DHRSX: variants seen among roughly 807,000 people sequenced by gnomAD.
DHRSX encodes dehydrogenase/reductase X-linked.
Under a neutral mutation model 34.0 loss-of-function variants are expected in DHRSX, and 31 were observed. That is an observed-to-expected ratio of 0.91 (90% CI 0.69 to 1.23). The LOEUF (loss-of-function observed/expected upper bound fraction) is 1.23, where lower values mean the gene tolerates loss of function less well. DHRSX is among the 50% of genes most tolerant of loss of function. The probability of loss-of-function intolerance (pLI) is 0.00; values close to 1 mark genes in which losing one functional copy is unlikely to be tolerated. For synonymous variants in DHRSX, 201 were observed against 183.8 expected (o/e 1.09, Z -0.76); for missense variants, 414 against 428.1 (o/e 0.97, Z 0.29).
chrX:2,420,739 T>A (rs1336147739), intron 2 of DHRSX, among the ~76,000 whole-genome samples: 3 of 150,898 alleles, frequency 2.0e-5, no homozygotes, highest in South Asian at 2.1e-4. Flanking sequence ...TGAGACTTCA[T>A]GTCAAAGTAA....
At chrX:2,370,749 C>T (rs925155015) in intron 3 of DHRSX, among the ~76,000 whole-genome samples, 61 of 152,260 alleles carry the variant, frequency 4.0e-4, no homozygotes, top group African/African-American at 1.5e-3. Flanking sequence ...AAATTCCCAT[C>T]TAACGTGATC....
chrX:2,327,352 C>G (rs750589537), intron 3 of DHRSX, among the ~76,000 whole-genome samples: 2 of 152,300 alleles, frequency 1.3e-5, no homozygotes, highest in South Asian at 4.1e-4. Flanking sequence ...GTACTCCAAC[C>G]ACAGAAACGA....
chrX:2,304,162 T>C lies in DHRSX; in HGVS notation c.287-12559A>G, dbSNP rs1290257322. Among the ~76,000 whole-genome samples the C allele has an allele frequency of 4.9e-5, 7 of 143,910 alleles. 1 individual carries two copies. Among genetic ancestry groups the C allele is most frequent in the South Asian group, 2.3e-4 (1 of 4,324 alleles). The allele number at this position is 143,910 out of a possible 152,430, so 94.4% of individuals were successfully genotyped here. On this transcript the variant is annotated intron_variant, in intron 3 of 6. Coordinates refer to ENST00000334651, the MANE Select transcript of DHRSX (RefSeq NM_145177.3). Reference sequence around the variant, plus strand: ...ATGAATGGATGGATGGATGGATGGATGGATGAACTGATGGATGGATGGATG... The same window carrying C: ...ATGAATGGATGGATGGATGGATGGACGGATGAACTGATGGATGGATGGATG...
At chrX:2,313,667 G>A (rs2042191228) in intron 3 of DHRSX, among the ~76,000 whole-genome samples, 3 of 152,070 alleles carry the variant, frequency 2.0e-5, no homozygotes, top group Admixed American at 6.6e-5. Context: ...ACGCCCAGCC[G>A]TGATTTATAA....
intron 2 of DHRSX, among the ~76,000 whole-genome samples, chrX:2,417,829 A>C (rs999743301): frequency 3.9e-5 from 6 of 152,126 alleles, no homozygotes; most frequent in Non-Finnish European, 7.4e-5. Flanking sequence ...AGATTTCATC[A>C]CATTCTACTC....
intron 1 of DHRSX, among the ~76,000 whole-genome samples, chrX:2,500,037 T>A (rs1291034728): frequency 6.6e-6 from 1 of 152,044 alleles, no homozygotes; most frequent in Non-Finnish European, 1.5e-5. Flanking sequence ...AAAATAATAA[T>A]AATAATAAAT....
chrX:2,384,452 G>A (rs2043247171), intron 3 of DHRSX, among the ~76,000 whole-genome samples: 1 of 152,222 alleles, frequency 6.6e-6, no homozygotes, highest in South Asian at 2.1e-4. Context: ...GCTGAGGAAA[G>A]GCAGCATAAA....
intron 6 of DHRSX, among the ~76,000 whole-genome samples, chrX:2,233,756 C>A (rs1315808599): frequency 6.6e-6 from 1 of 150,894 alleles, no homozygotes; most frequent in Non-Finnish European, 1.5e-5. Flanking sequence ...GATGGTGAGG[C>A]ACAAGTGCAG....
intron 3 of DHRSX, among the ~76,000 whole-genome samples, chrX:2,305,221 G>C (rs765907485): frequency 1.4e-3 from 210 of 152,172 alleles, no homozygotes; most frequent in African/African-American, 4.9e-3. Flanking sequence ...GGGTCAGGGA[G>C]GGGGAGAGCA....
chrX:2,354,448 C>T (rs775289698), intron 3 of DHRSX, among the ~76,000 whole-genome samples: 2 of 152,258 alleles, frequency 1.3e-5, no homozygotes, highest in African/African-American at 4.8e-5. Flanking sequence ...GCCTCCACTC[C>T]CTGCCCATCC....
chrX:2,365,247 C>A (rs926135957), intron 3 of DHRSX, among the ~76,000 whole-genome samples: 2 of 152,134 alleles, frequency 1.3e-5, no homozygotes, highest in African/African-American at 2.4e-5. Flanking sequence ...TAAATAAATT[C>A]TCCTGCCTCA....
intron 4 of DHRSX, among the ~76,000 whole-genome samples, chrX:2,273,071 G>C (rs1184461662): frequency 6.6e-6 from 1 of 152,142 alleles, no homozygotes; most frequent in African/African-American, 2.4e-5. Context: ...TCAGGAGTTC[G>C]AGAGCAGCCT....
intron 1 of DHRSX, among the ~76,000 whole-genome samples, chrX:2,463,383 C>T (rs1025690692): frequency 4.6e-5 from 7 of 152,142 alleles, no homozygotes; most frequent in Non-Finnish European, 8.8e-5. Context: ...ATGGAAGCCC[C>T]TTCCACCCTG....
intron 5 of DHRSX, among the ~76,000 whole-genome samples, chrX:2,245,781 C>A (rs1055133623): frequency 1.3e-5 from 2 of 148,574 alleles, no homozygotes; most frequent in Non-Finnish European, 3.0e-5. Flanking sequence ...CATGGTGAAA[C>A]CCTGTCTCTA....
At chrX:2,500,266 C>A in intron 1 of DHRSX, 1 of 166,818 alleles carries the variant, frequency 6.0e-6, no homozygotes, top group Non-Finnish European at 1.3e-5. Flanking sequence ...CGCCTCTGGG[C>A]CCCCTCTGGA....
At chrX:2,354,462 T>C (rs1332898646) in intron 3 of DHRSX, among the ~76,000 whole-genome samples, 1 of 152,160 alleles carries the variant, frequency 6.6e-6, no homozygotes, top group East Asian at 1.9e-4. Flanking sequence ...CCCATCCATC[T>C]TTTTTGTTTT....
chrX:2,330,457 G>C (rs992967943), intron 3 of DHRSX, among the ~76,000 whole-genome samples: 1 of 150,078 alleles, frequency 6.7e-6, no homozygotes, highest in Non-Finnish European at 1.5e-5. Context: ...GGAGGCAGAG[G>C]TTGCAGTGAG....
At chrX:2,266,218 A>T (rs913795394) in intron 5 of DHRSX, among the ~76,000 whole-genome samples, 4 of 140,286 alleles carry the variant, frequency 2.9e-5, no homozygotes, top group African/African-American at 1.2e-4. Context: ...CGCAGGGAGC[A>T]CTGTCCCCAG....
At position 2,393,711 on chromosome X, in the gene DHRSX, A is replaced by ACC. The variant is rs1217523758; in HGVS notation, c.286+15033_286+15034insGG. 6.6e-4 allele frequency among the ~76,000 whole-genome samples: 94 copies of ACC among 143,408 alleles called. 5 individuals are homozygous for ACC. Among genetic ancestry groups the ACC allele is most frequent in the African/African-American group, 2.0e-3 (76 of 38,290 alleles). 94.1% of individuals were successfully genotyped at this position (143,408 alleles called of 152,430 possible). On this transcript the variant is annotated intron_variant, in intron 3 of 6. Coordinates refer to ENST00000334651, the MANE Select transcript of DHRSX (RefSeq NM_145177.3). Reference sequence around the variant, plus strand: ...TCCCTGTCTCCTGCGCACACACGACACACAGGGACCTCCCCGTCTCCTGCA... The same window carrying ACC: ...TCCCTGTCTCCTGCGCACACACGACACCCACAGGGACCTCCCCGTCTCCTGCA...
Sources: allele counts gnomAD v4.1 joint callset (sites outside exome capture counted in the v4.1 genomes callset), GRCh38; gene constraint gnomAD v4.1.1; transcripts MANE v1.5; gene names NCBI Gene and HGNC (gene_info 2026-07-23, HGNC 2026-07-21).